GNG10: variants seen among roughly 807,000 people sequenced by gnomAD.
GNG10 encodes the protein G protein subunit gamma 10.
GNG10 carries 7 observed loss-of-function variants against 6.8 expected under a neutral mutation model. That is an observed-to-expected ratio of 1.02 (90% CI 0.58 to 1.92). The LOEUF is 1.92. Ranked by LOEUF, GNG10 falls within the 30% of genes most tolerant of loss-of-function variation. The pLI, the probability that GNG10 is intolerant of heterozygous loss-of-function variation, is 0.00. For missense variants in GNG10, 57 were observed against 86.1 expected (o/e 0.66, Z 1.34); for synonymous variants, 28 against 34.8 (o/e 0.80, Z 0.69).
chr9:111,667,152 C>T (rs904776605), intron 2 of GNG10, among the ~76,000 whole-genome samples: 1 of 152,226 alleles, frequency 6.6e-6, no homozygotes, highest in East Asian at 1.9e-4. Flanking sequence ...AGTCTGAAGT[C>T]TCTCTGGCAC....
Position 111,661,722 on chromosome 9 carries a change from G to C in GNG10, c.81+7G>C, listed in dbSNP as rs375476283. On this transcript the variant is annotated splice_region_variant and intron_variant, in intron 1 of 2. Transcript: ENST00000374293. This position sits in a 1 kb window ranked among gnomAD's most constrained non-coding sequence, Gnocchi z 6.1. ...TGGCGTGGAGAGGATCAAGGTGCGGGCCCCGGGTACCCACGCTCCGGTCCT... is the reference window on the plus strand; with the variant it reads ...TGGCGTGGAGAGGATCAAGGTGCGGCCCCCGGGTACCCACGCTCCGGTCCT... 34 of 1,338,370 alleles carry C rather than the reference G, an allele frequency of 2.5e-5. No homozygotes were observed. The highest frequency in any genetic ancestry group is 3.3e-5 in the Non-Finnish European group (34 of 1,022,704). The allele number at this position is 1,338,370 out of a possible 1,614,324, so 82.9% of individuals were successfully genotyped here.
chr9:111,669,167 GCTTT>G (rs1359921542), intron 2 of GNG10, 98 bp from the exon 3 acceptor site: 4 of 152,270 alleles, frequency 2.6e-5, no homozygotes, highest in Non-Finnish European at 4.4e-5. Flanking sequence ...CTCACCTGTT[GCTTT>G]CTATTTCGTG....
At chr9:111,663,130 C>G (rs1830849373) in intron 1 of GNG10, among the ~76,000 whole-genome samples, 2 of 152,084 alleles carry the variant, frequency 1.3e-5, no homozygotes, top group African/African-American at 4.8e-5. Context: ...TATGGTGACA[C>G]TTTTCTTTGT....
chr9:111,662,132 TGTC>T (rs1830831025), intron 1 of GNG10, among the ~76,000 whole-genome samples: 1 of 152,196 alleles, frequency 6.6e-6, no homozygotes, highest in Admixed American at 6.5e-5. Context: ...CTCGGGTTTC[TGTC>T]GTCGTGACAG....
At chr9:111,664,261 G>A (rs546586345) in intron 1 of GNG10, among the ~76,000 whole-genome samples, 45 of 152,142 alleles carry the variant, frequency 3.0e-4, no homozygotes, top group Non-Finnish European at 2.4e-4. Flanking sequence ...TAAGAGGTGC[G>A]CTCATGGAAG....
At chr9:111,666,415 G>T (rs924099487) in intron 1 of GNG10, among the ~76,000 whole-genome samples, 2 of 152,134 alleles carry the variant, frequency 1.3e-5, no homozygotes, top group Non-Finnish European at 2.9e-5. Context: ...ACTGAATAAG[G>T]CTTCAGACTT....
Position 111,661,741 on chromosome 9 carries a change from CG to C in GNG10, c.81+28del. On this transcript the variant is annotated intron_variant, in intron 1 of 2. Coordinates refer to ENST00000374293, the MANE Select transcript of GNG10 (RefSeq NM_001017998.4). This position sits in a 1 kb window ranked among gnomAD's most constrained non-coding sequence, Gnocchi z 6.1. ...GTGCGGGCCCCGGGTACCCACGCTC[CG>C]GTCCTTCCGCCCGCGGGGCGTGAGA... 7.9e-7 allele frequency: 1 copy of C among 1,269,906 alleles called. No homozygotes were observed. Among genetic ancestry groups the C allele is most frequent in the Admixed American group, 2.9e-5 (1 of 34,140 alleles). The allele number at this position is 1,269,906 out of a possible 1,614,324, so 78.7% of individuals were successfully genotyped here. A position where few individuals can be genotyped will look rare whatever the true frequency, so the allele number is the denominator to read the frequency against.
At chr9:111,665,876 G>A (rs1243600799) in intron 1 of GNG10, among the ~76,000 whole-genome samples, 3 of 149,578 alleles carry the variant, frequency 2.0e-5, no homozygotes, top group East Asian at 2.0e-4. Flanking sequence ...ACAGGTGCAC[G>A]CCACCACACC....
chr9:111,664,855 T>C (rs533583018), intron 1 of GNG10, among the ~76,000 whole-genome samples: 1 of 152,302 alleles, frequency 6.6e-6, no homozygotes, highest in East Asian at 1.9e-4. Flanking sequence ...AATGCAAAGA[T>C]AGTAAGCCTG....
intron 1 of GNG10, among the ~76,000 whole-genome samples, chr9:111,664,751 T>G (rs1185784713): frequency 6.6e-6 from 1 of 152,160 alleles, no homozygotes; most frequent in Admixed American, 6.6e-5. Flanking sequence ...TTTGACCATG[T>G]TCTTGAGCCT....
chr9:111,662,696 G>T (rs898791476), intron 1 of GNG10, among the ~76,000 whole-genome samples: 1 of 152,188 alleles, frequency 6.6e-6, no homozygotes, highest in South Asian at 2.1e-4. Flanking sequence ...TTCTGGAGGG[G>T]AAGGTAAACA....
At chr9:111,665,065 C>A (rs928413147) in intron 1 of GNG10, among the ~76,000 whole-genome samples, 9 of 151,992 alleles carry the variant, frequency 5.9e-5, no homozygotes, top group African/African-American at 2.2e-4. Flanking sequence ...AACCAAAATT[C>A]CTGGAGCTGT....
At chr9:111,662,477 G>A (rs545144515) in intron 1 of GNG10, among the ~76,000 whole-genome samples, 1 of 152,216 alleles carries the variant, frequency 6.6e-6, no homozygotes, top group Admixed American at 6.5e-5. Context: ...TTCCGAGCAA[G>A]GAAGTAGGGA....
At chr9:111,666,686 C>T in intron 1 of GNG10, 129 bp from the exon 2 acceptor site, 1 of 1,349,464 alleles carries the variant, frequency 7.4e-7, no homozygotes, top group Non-Finnish European at 9.7e-7. Context: ...GAACTTTCAG[C>T]AGAAAGAGAC....
intron 1 of GNG10, among the ~76,000 whole-genome samples, chr9:111,664,155 C>T (rs1830866204): frequency 1.3e-5 from 2 of 152,080 alleles, no homozygotes; most frequent in East Asian, 1.9e-4. Flanking sequence ...GCTTATCTAC[C>T]TTTTAAAAAT....
At chr9:111,667,241 C>T (rs1177851756) in intron 2 of GNG10, among the ~76,000 whole-genome samples, 2 of 151,546 alleles carry the variant, frequency 1.3e-5, no homozygotes, top group Non-Finnish European at 2.9e-5. Context: ...TTCTTTCTTT[C>T]TTTTTTTTGA....
At position 111,661,995 on chromosome 9, in the gene GNG10, G is replaced by C. The variant is rs544311729; in HGVS notation, c.81+280G>C. ...GAAGGCGGCCGTGGTCAGTTCCTCGGAGGGCGCAAGGGATGCCGGCGACGC... is the reference window on the plus strand; with the variant it reads ...GAAGGCGGCCGTGGTCAGTTCCTCGCAGGGCGCAAGGGATGCCGGCGACGC... On this transcript the variant is annotated intron_variant, in intron 1 of 2. Transcript: ENST00000374293. This position sits in a 1 kb window ranked among gnomAD's most constrained non-coding sequence, Gnocchi z 6.1. Among the ~76,000 whole-genome samples the C allele has an allele frequency of 6.6e-6, 1 of 152,222 alleles. No homozygotes were observed. Among genetic ancestry groups the C allele is most frequent in the African/African-American group, 2.4e-5 (1 of 41,548 alleles).
intron 2 of GNG10, among the ~76,000 whole-genome samples, chr9:111,668,959 C>T (rs1487683700): frequency 3.3e-5 from 5 of 151,530 alleles, no homozygotes; most frequent in East Asian, 3.9e-4. Flanking sequence ...CGGGTTCAAG[C>T]GATTCTCCTG....
chr9:111,667,821 G>C (rs1830928323), intron 2 of GNG10, among the ~76,000 whole-genome samples: 1 of 152,154 alleles, frequency 6.6e-6, no homozygotes, highest in African/African-American at 2.4e-5. Context: ...GAAACTTCTT[G>C]GGTTCGAATG....
Sources: gnomAD v4.1 joint callset for allele counts (sites outside exome capture counted in the v4.1 genomes callset) on GRCh38, gnomAD v4.1.1 for gene constraint, Gnocchi (gnomAD v3.1) non-coding constraint, MANE v1.5 for transcripts, NCBI Gene and HGNC (gene_info 2026-07-23, HGNC 2026-07-21) for gene names.